Variants in MFHAS1 observed in about 807,000 individuals in gnomAD.
MFHAS1 encodes the protein multifunctional ROCO family signaling regulator 1, also known as malignant fibrous histiocytoma-amplified sequence 1.
Under a neutral mutation model 70.4 loss-of-function variants are expected in MFHAS1, and 50 were observed. The ratio of observed to expected loss-of-function variants is 0.71; its 90% CI spans 0.57 to 0.90. The LOEUF (loss-of-function observed/expected upper bound fraction) is 0.90. Among genes scored for constraint, MFHAS1 ranks in the 40% least tolerant of loss-of-function variants. The pLI is 0.00. For synonymous variants in MFHAS1, 952 were observed against 620.0 expected, an observed-to-expected ratio of 1.54 and a Z score of -7.96; for missense variants, 1,795 against 1,347.6, an observed-to-expected ratio of 1.33 and a Z score of -5.20.
At chr8:8,876,252 G>A (rs1271319637) in intron 1 of MFHAS1, among the ~76,000 whole-genome samples, 3 of 152,164 alleles carry the variant, frequency 2.0e-5, no homozygotes, top group Non-Finnish European at 4.4e-5. Flanking sequence ...ATATTATAAT[G>A]CTTCAATTTG....
At chr8:8,815,584 T>A (rs759986996) in intron 1 of MFHAS1, among the ~76,000 whole-genome samples, 3 of 152,228 alleles carry the variant, frequency 2.0e-5, no homozygotes, top group African/African-American at 7.2e-5. Flanking sequence ...TGGTATCTCA[T>A]TGTGGTTTTG....
chr8:8,890,943 A>T lies in MFHAS1; in HGVS notation c.2116T>A (p.Tyr706Asn). The change falls in exon 1 of 3, where the codon TAC (tyrosine) becomes AAC (asparagine). Residue 706 changes from tyrosine (Y) to asparagine (N), a missense_variant. Coordinates refer to ENST00000276282, the MANE Select transcript of MFHAS1 (RefSeq NM_004225.3). ...AGTAGCTTGCCGCTCTCATGCAGGT[A>T]GGAGAGGGCACTCTGCAGTCGGTCC... ...TEDRLQSALS[Y>N]LHESGKLLYF... The T allele has an allele frequency of 6.2e-7, 1 of 1,614,058 alleles. No individual in the cohort carries two copies.
chr8:8,843,269 C>T (rs1166211795), intron 1 of MFHAS1, among the ~76,000 whole-genome samples: 1 of 89,938 alleles, frequency 1.1e-5, no homozygotes, highest in African/African-American at 7.1e-5. Flanking sequence ...GAGCGAGACT[C>T]CGTCTCAAAA....
chr8:8,875,776 A>G (rs1218257072), intron 1 of MFHAS1, among the ~76,000 whole-genome samples: 1 of 152,120 alleles, frequency 6.6e-6, no homozygotes, highest in African/African-American at 2.4e-5. Flanking sequence ...ATTTTTTACT[A>G]GAGACGGGGT....
At chr8:8,823,882 G>A (rs767215097) in intron 1 of MFHAS1, among the ~76,000 whole-genome samples, 1 of 129,988 alleles carries the variant, frequency 7.7e-6, no homozygotes, top group Non-Finnish European at 1.6e-5. Context: ...TAGCCACGTC[G>A]TGCATAATGT....
chr8:8,893,242 G>C lies in MFHAS1; in HGVS notation c.-184C>G, dbSNP rs1810170543. On this transcript the variant is annotated 5_prime_UTR_variant, in exon 1 of 3. Coordinates refer to ENST00000276282, the MANE Select transcript of MFHAS1 (RefSeq NM_004225.3). ...GCTAGGGGGCGGCGGCGACGCGAGC[G>C]GCTCCGGGGGACGCCGAGCGCGTGG... The C allele has an allele frequency of 1.2e-5, 2 of 168,330 alleles. No homozygotes were observed. The highest frequency in any genetic ancestry group is 4.9e-5 in the African/African-American group (2 of 40,714). 10.4% of individuals were successfully genotyped at this position (168,330 alleles called of 1,614,324 possible).
At chr8:8,877,281 G>A (rs1809332604) in intron 1 of MFHAS1, among the ~76,000 whole-genome samples, 1 of 118,726 alleles carries the variant, frequency 8.4e-6, no homozygotes, top group Non-Finnish European at 1.7e-5. Flanking sequence ...CAGCCTGGGT[G>A]ACAGAGTGAG....
chr8:8,814,525 C>T (rs997093012), intron 1 of MFHAS1, among the ~76,000 whole-genome samples: 3 of 152,144 alleles, frequency 2.0e-5, no homozygotes, highest in Non-Finnish European at 4.4e-5. Context: ...ACTGCAATTT[C>T]TTTATTTAAA....
At chr8:8,840,422 A>T (rs1402928088) in intron 1 of MFHAS1, among the ~76,000 whole-genome samples, 1 of 146,246 alleles carries the variant, frequency 6.8e-6, no homozygotes, top group East Asian at 2.0e-4. Context: ...GTGCCACTGC[A>T]CTCTAGCCTG....
chr8:8,813,508 G>T (rs35432123), intron 1 of MFHAS1, among the ~76,000 whole-genome samples: 20,720 of 152,156 alleles, frequency 0.14, 1,855 homozygotes, highest in Non-Finnish European at 0.2. Flanking sequence ...CAGTGATATT[G>T]ATGATCCTGA....
intron 1 of MFHAS1, among the ~76,000 whole-genome samples, chr8:8,867,182 G>T (rs1222314616): frequency 1.3e-5 from 2 of 152,168 alleles, no homozygotes; most frequent in Non-Finnish European, 2.9e-5. Context: ...GTACTAGTAG[G>T]AAATGGAATT....
At chr8:8,879,173 AC>A (rs1199197150) in intron 1 of MFHAS1, among the ~76,000 whole-genome samples, 1 of 151,742 alleles carries the variant, frequency 6.6e-6, no homozygotes, top group Non-Finnish European at 1.5e-5. Context: ...ACACGATGAA[AC>A]CCCGTCTCTA....
intron 1 of MFHAS1, among the ~76,000 whole-genome samples, chr8:8,889,233 T>G (rs1563222533): frequency 6.6e-6 from 1 of 152,114 alleles, no homozygotes; most frequent in Non-Finnish European, 1.5e-5. Flanking sequence ...AAACAAACCT[T>G]AAGACGTCTA....
intron 1 of MFHAS1, among the ~76,000 whole-genome samples, chr8:8,868,419 C>T (rs1808944685): frequency 6.7e-6 from 1 of 150,174 alleles, no homozygotes; most frequent in South Asian, 2.2e-4. Flanking sequence ...AGAAGGATAG[C>T]CTCAACTTTT....
chr8:8,850,944 C>A (rs980107797), intron 1 of MFHAS1, among the ~76,000 whole-genome samples: 3 of 152,096 alleles, frequency 2.0e-5, no homozygotes, highest in Non-Finnish European at 2.9e-5. Flanking sequence ...CTCCAGCTAG[C>A]AGGTTCCATA....
chr8:8,872,784 A>T (rs535221185), intron 1 of MFHAS1, among the ~76,000 whole-genome samples: 2 of 115,422 alleles, frequency 1.7e-5, no homozygotes, highest in East Asian at 2.7e-4. Flanking sequence ...AAATAAAAAT[A>T]AAAAAAAAGA....
chr8:8,812,647 C>G (rs1047599566), intron 1 of MFHAS1, among the ~76,000 whole-genome samples: 12 of 152,226 alleles, frequency 7.9e-5, no homozygotes, highest in African/African-American at 2.9e-4. Context: ...GTGACACTGT[C>G]TTGGCGGGAA....
At chr8:8,888,390 C>A (rs1034678174) in intron 1 of MFHAS1, among the ~76,000 whole-genome samples, 1 of 152,148 alleles carries the variant, frequency 6.6e-6, no homozygotes, top group Non-Finnish European at 1.5e-5. Flanking sequence ...TTTCATCACC[C>A]CTCCGGGTCC....
intron 1 of MFHAS1, among the ~76,000 whole-genome samples, chr8:8,850,173 T>C (rs1181106780): frequency 6.6e-6 from 1 of 152,202 alleles, no homozygotes; most frequent in African/African-American, 2.4e-5. Context: ...CTAGTTAACA[T>C]TTATAAACCA....
Sources: allele counts gnomAD v4.1 joint callset (sites outside exome capture counted in the v4.1 genomes callset), GRCh38; gene constraint gnomAD v4.1.1; transcripts MANE v1.5; gene names NCBI Gene and HGNC (gene_info 2026-07-23, HGNC 2026-07-21).